Variants in KAZN observed in about 807,000 individuals in gnomAD.
The protein encoded by KAZN is kazrin, periplakin interacting protein.
Under a neutral mutation model 87.4 loss-of-function variants are expected in KAZN, and 40 were observed. The observed-to-expected ratio is 0.46, with a 90% CI of 0.36 to 0.60. KAZN has a LOEUF of 0.60. Among genes scored for constraint, KAZN ranks in the 20% least tolerant of loss-of-function variants. KAZN has a pLI of 0.00. For synonymous variants in KAZN, 466 were observed against 458.3 expected (o/e 1.02, Z -0.22); for missense variants, 898 against 1,073.9 (o/e 0.84, Z 2.29).
At chr1:14,755,473 T>C (rs1255659307) in intron 1 of KAZN, among the ~76,000 whole-genome samples, 1 of 151,846 alleles carries the variant, frequency 6.6e-6, no homozygotes, top group African/African-American at 2.4e-5. Context: ...TGTCGTGTGG[T>C]TGTAGATTTT....
At chr1:14,399,108 C>G (rs1039202088) in intron 2 of KAZN, among the ~76,000 whole-genome samples, 8 of 152,180 alleles carry the variant, frequency 5.3e-5, no homozygotes, top group Admixed American at 4.6e-4. Flanking sequence ...TCACTGCAGC[C>G]TCGATCTCCT....
At chr1:14,321,893 C>A (rs1265626049) in intron 2 of KAZN, among the ~76,000 whole-genome samples, 1 of 152,140 alleles carries the variant, frequency 6.6e-6, no homozygotes, top group East Asian at 1.9e-4. Context: ...AAGAAGAGAG[C>A]TTACCCATGG....
chr1:14,064,750 T>A (rs569210128), intron 1 of KAZN, among the ~76,000 whole-genome samples: 1 of 152,108 alleles, frequency 6.6e-6, no homozygotes, highest in Non-Finnish European at 1.5e-5. Context: ...TTGTGTAAGG[T>A]TGACTGCCCT....
chr1:15,040,421 G>A (rs1056688957), intron 3 of KAZN, among the ~76,000 whole-genome samples: 2 of 152,166 alleles, frequency 1.3e-5, no homozygotes, highest in Non-Finnish European at 1.5e-5. Context: ...GGAGTCGGGG[G>A]ATGGCACAGG....
intron 2 of KAZN, among the ~76,000 whole-genome samples, chr1:14,457,272 A>T (rs1667614700): frequency 6.6e-6 from 1 of 152,162 alleles, no homozygotes; most frequent in African/African-American, 2.4e-5. Flanking sequence ...CTTACTAATA[A>T]ATTTAAGCAT....
chr1:14,792,816 A>G (rs1411802968), intron 1 of KAZN, among the ~76,000 whole-genome samples: 1 of 152,098 alleles, frequency 6.6e-6, no homozygotes, highest in Non-Finnish European at 1.5e-5. Context: ...TCTCTACTAA[A>G]AATGCAAAAA....
chr1:14,482,771 G>A (rs4382718), intron 2 of KAZN, among the ~76,000 whole-genome samples: 108,410 of 151,896 alleles, frequency 0.71, 40,145 homozygotes, highest in African/African-American at 0.9. Context: ...CTGAGGGTGC[G>A]GGAGAGTGGG....
chr1:14,957,506 A>G (rs977379446), intron 1 of KAZN, among the ~76,000 whole-genome samples: 2 of 152,228 alleles, frequency 1.3e-5, no homozygotes, highest in South Asian at 4.1e-4. Flanking sequence ...CCGCTCTCGG[A>G]TCCTGTGTCC....
chr1:14,450,043 A>C (rs1425621272), intron 2 of KAZN, among the ~76,000 whole-genome samples: 1 of 152,072 alleles, frequency 6.6e-6, no homozygotes, highest in African/African-American at 2.4e-5. Flanking sequence ...CAATTTGCTC[A>C]CCCTGTGCAA....
chr1:14,555,811 A>C (rs112003169), intron 2 of KAZN, among the ~76,000 whole-genome samples: 1 of 152,218 alleles, frequency 6.6e-6, no homozygotes, highest in African/African-American at 2.4e-5. Flanking sequence ...TTGCTGACTG[A>C]CTAGTCAACT....
At chr1:14,069,804 A>G (rs1461558382) in intron 1 of KAZN, among the ~76,000 whole-genome samples, 1 of 152,196 alleles carries the variant, frequency 6.6e-6, no homozygotes, top group Non-Finnish European at 1.5e-5. Flanking sequence ...CCACAAGACA[A>G]GGCCATCCTA....
chr1:14,146,003 A>C (rs983217292), intron 1 of KAZN, among the ~76,000 whole-genome samples: 1 of 151,938 alleles, frequency 6.6e-6, no homozygotes, highest in Admixed American at 6.6e-5. Context: ...ATTTTTTCTC[A>C]AACTGTCATA....
chr1:14,434,469 A>T (rs1666263320), intron 2 of KAZN, among the ~76,000 whole-genome samples: 2 of 152,224 alleles, frequency 1.3e-5, no homozygotes, highest in Admixed American at 1.3e-4. Flanking sequence ...CAGGGGTAGA[A>T]CTTGTCCCAT....
At position 15,109,231 on chromosome 1, in the gene KAZN, G is replaced by T. The variant is rs182096702; in HGVS notation, c.2049-3196G>T. ...AAAACCCGGTCTCTACCAAAAATAC[G>T]AAAATTAGCTGGGTGTGGTGGCGTG... On this transcript the variant is annotated intron_variant, in intron 13 of 14. Coordinates refer to ENST00000376030, the MANE Select transcript of KAZN (RefSeq NM_201628.3). Among the ~76,000 whole-genome samples, 4 of 152,056 alleles carry T rather than the reference G, an allele frequency of 2.6e-5. No individual in the cohort carries two copies. In the South Asian group the frequency reaches 8.3e-4, roughly 32 times the overall value.
intron 1 of KAZN, among the ~76,000 whole-genome samples, chr1:14,681,631 A>T (rs1207863129): frequency 2.7e-4 from 3 of 11,298 alleles, no homozygotes; most frequent in East Asian, 4.4e-3. Context: ...ATATATATAT[A>T]TATATATATA....
At chr1:15,046,245 C>T (rs1005044452) in intron 4 of KAZN, among the ~76,000 whole-genome samples, 2 of 149,490 alleles carry the variant, frequency 1.3e-5, no homozygotes, top group Non-Finnish European at 2.9e-5. Context: ...TTGCAGTGAG[C>T]CAAGGTCAAG....
intron 2 of KAZN, among the ~76,000 whole-genome samples, chr1:14,314,825 C>T (rs919571217): frequency 6.6e-6 from 1 of 152,138 alleles, no homozygotes; most frequent in Admixed American, 6.6e-5. Context: ...TTAGCAGCCA[C>T]TCCCCATTCT....
intron 2 of KAZN, among the ~76,000 whole-genome samples, chr1:14,392,220 G>A (rs1662502957): frequency 6.6e-6 from 1 of 152,170 alleles, no homozygotes; most frequent in South Asian, 2.1e-4. Context: ...TTATTAAGAG[G>A]AAAATCCTTA....
intron 1 of KAZN, among the ~76,000 whole-genome samples, chr1:13,913,933 A>T (rs183847926): frequency 3.2e-4 from 49 of 152,318 alleles, no homozygotes; most frequent in African/African-American, 1.1e-3. Context: ...TTGGACCAGC[A>T]TCACCTGGGA....
Sources: gnomAD v4.1 joint callset for allele counts (sites outside exome capture counted in the v4.1 genomes callset) on GRCh38, gnomAD v4.1.1 for gene constraint, MANE v1.5 for transcripts, NCBI Gene and HGNC (gene_info 2026-07-23, HGNC 2026-07-21) for gene names.